The following TMEM181 variants were observed in gnomAD, a reference collection of about 807,000 sequenced individuals.
TMEM181 encodes the protein transmembrane protein 181, also known as G protein-coupled receptor 178.
TMEM181 carries 39 observed loss-of-function variants against 71.9 expected under a neutral mutation model. That is an observed-to-expected ratio of 0.54 (90% CI 0.42 to 0.71). The LOEUF (loss-of-function observed/expected upper bound fraction) is 0.71. Among genes scored for constraint, TMEM181 ranks in the 30% least tolerant of loss-of-function variants. The pLI, the probability that TMEM181 is intolerant of heterozygous loss-of-function variation, is 0.00. For missense variants in TMEM181, 595 were observed against 583.0 expected (o/e 1.02, Z -0.21); for synonymous variants, 245 against 228.8 (o/e 1.07, Z -0.64).
chr6:158,606,018 A>G (rs141513332), intron 7 of TMEM181, among the ~76,000 whole-genome samples: 103 of 152,324 alleles, frequency 6.8e-4, no homozygotes, highest in African/African-American at 2.2e-3. Context: ...GGGAGGTGAC[A>G]TTTAGGAAAT....
chr6:158,570,734 C>CT (rs35175171), intron 1 of TMEM181, among the ~76,000 whole-genome samples: 59,667 of 151,924 alleles, frequency 0.39, 12,016 homozygotes, highest in East Asian at 0.63. Flanking sequence ...TTCACATAAC[C>CT]TGGCGCATTT....
chr6:158,628,682 C>T (rs1248080920), intron 14 of TMEM181, among the ~76,000 whole-genome samples, 192 bp downstream of exon 14: 1 of 152,216 alleles, frequency 6.6e-6, no homozygotes, highest in Non-Finnish European at 1.5e-5. Flanking sequence ...CCTGTCCCTC[C>T]TCTGTACACA....
intron 1 of TMEM181, chr6:158,536,916 G>T: frequency 8.0e-7 from 1 of 1,243,552 alleles, no homozygotes; most frequent in Non-Finnish European, 1.0e-6. Context: ...CCGGGCCGCA[G>T]TCCCCTCCGG....
At position 158,608,694 on chromosome 6, in the gene TMEM181, ATTC is replaced by A. The variant is rs1363616133; in HGVS notation, c.844_846del (p.Phe282del). On this transcript the variant is annotated inframe_deletion, in exon 10 of 17. Transcript: ENST00000684151. ...AGTGTTTAACTTTCTATTTGCCTAA[ATTC>A]TTCATTGTTGGACTATTGTGGTTGG... 6.2e-7 allele frequency: 1 copy of A among 1,612,882 alleles called. No individual in the cohort carries two copies. The highest frequency in any genetic ancestry group is 1.7e-5 in the Admixed American group (1 of 59,738).
At chr6:158,599,200 G>T (rs553522735) in intron 6 of TMEM181, among the ~76,000 whole-genome samples, 4 of 152,170 alleles carry the variant, frequency 2.6e-5, no homozygotes, top group African/African-American at 4.8e-5. Flanking sequence ...CACTTATTTC[G>T]TGCTGCATGG....
chr6:158,595,573 C>T lies in TMEM181; in HGVS notation c.492+5791C>T, dbSNP rs975393939. ...ATGAGTGCATAAATTCTGCTATATT[C>T]ATATAATGGAATACTATATAGCGAG... is the stretch of plus-strand genomic sequence containing the variant. On this transcript the variant is annotated intron_variant, in intron 6 of 16. Coordinates refer to ENST00000684151, the MANE Select transcript of TMEM181 (RefSeq NM_001376852.1). Among the ~76,000 whole-genome samples the T allele has an allele frequency of 9.8e-5, 15 of 152,340 alleles. No individual in the cohort carries two copies. The East Asian group carries it at 2.5e-3, about 25-fold the overall frequency.
At chr6:158,621,096 C>T (rs977819288) in intron 10 of TMEM181, among the ~76,000 whole-genome samples, 6 of 152,174 alleles carry the variant, frequency 3.9e-5, no homozygotes, top group African/African-American at 7.2e-5. Flanking sequence ...ATAGCCCCCA[C>T]GTCTGCTTTT....
chr6:158,630,977 G>A (rs370302160), intron 15 of TMEM181, among the ~76,000 whole-genome samples: 3 of 152,250 alleles, frequency 2.0e-5, no homozygotes, highest in Admixed American at 6.5e-5. Context: ...AGGACTGGGC[G>A]GGGGCAGGCA....
intron 14 of TMEM181, among the ~76,000 whole-genome samples, chr6:158,629,414 A>G (rs568711149): frequency 1.3e-5 from 2 of 152,094 alleles, no homozygotes; most frequent in South Asian, 4.2e-4. Flanking sequence ...TGCCCTTTTC[A>G]TGTAACTTGA....
chr6:158,631,853 C>G lies in TMEM181; in HGVS notation c.1393C>G (p.Arg465Gly), dbSNP rs754628447. ...GCCGCTGCAGAACGGCCAGGCCATC[C>G]GGGCCAAGTACAAGGAGGAGTCAGA... The part of the protein sequence containing the change: ...EMPLQNGQAI[R>G]AKYKEESDSD The change falls in exon 17 of 17, where the codon CGG (arginine) becomes GGG (glycine). Residue 465 changes from arginine (R) to glycine (G), a missense_variant. Arg to Gly is a moderately radical substitution (Grantham distance 125). Coordinates refer to ENST00000684151, the MANE Select transcript of TMEM181 (RefSeq NM_001376852.1). 1.9e-6 allele frequency: 3 copies of G among 1,599,314 alleles called. No homozygotes were observed. Among genetic ancestry groups the G allele is most frequent in the Non-Finnish European group, 2.6e-6 (3 of 1,172,622 alleles).
Position 158,562,445 on chromosome 6 carries a change from T to TG in TMEM181, c.8+2213_8+2214insG, listed in dbSNP as rs1342117357. ...CTCTGCAAATTTAAATAAGGCTGTT[T>TG]TTGTGTGTGTGTGTGTGTGTGTGTG... On this transcript the variant is annotated intron_variant, in intron 1 of 16. Transcript: ENST00000684151. Among the ~76,000 whole-genome samples the TG allele has an allele frequency of 1.8e-3, 241 of 135,812 alleles. 1 individual carries two copies. The highest frequency in any genetic ancestry group is 5.4e-3 in the African/African-American group (177 of 32,620). 89.1% of individuals were successfully genotyped at this position (135,812 alleles called of 152,430 possible). A position where few individuals can be genotyped will look rare whatever the true frequency, so the allele number is the denominator to read the frequency against.
At chr6:158,575,357 C>CTT (rs5881279) in intron 2 of TMEM181, among the ~76,000 whole-genome samples, 20 of 149,538 alleles carry the variant, frequency 1.3e-4, no homozygotes, top group Middle Eastern at 3.4e-3. Context: ...CCAGATTCTT[C>CTT]TTTTTTTTTT....
rs1386175802 is a variant in TMEM181 at position 158,635,410 on chromosome 6, TAATA to T, written c.*3526_*3529del. ...CTGACACTACCTTTCTGGGAAATGT[TAATA>T]AATTTTTAATATTCACTTCTATGTG... On this transcript the variant is annotated 3_prime_UTR_variant, in exon 17 of 17. Coordinates refer to ENST00000684151, the MANE Select transcript of TMEM181 (RefSeq NM_001376852.1). 1 of 152,250 alleles carries T rather than the reference TAATA, an allele frequency of 6.6e-6. No individual in the cohort carries two copies. The highest frequency in any genetic ancestry group is 6.5e-5 in the Admixed American group (1 of 15,288). The allele number at this position is 152,250 out of a possible 1,614,324, so 9.4% of individuals were successfully genotyped here.
At chr6:158,627,051 TCTCACACC>T (rs1325016875) in intron 13 of TMEM181, among the ~76,000 whole-genome samples, 2 of 140,766 alleles carry the variant, frequency 1.4e-5, no homozygotes, top group East Asian at 2.2e-4. Context: ...ACACCCTCAT[TCTCACACC>T]CTCACACCTT....
intron 1 of TMEM181, among the ~76,000 whole-genome samples, chr6:158,548,388 T>G (rs1445422112): frequency 6.6e-6 from 1 of 152,134 alleles, no homozygotes; most frequent in African/African-American, 2.4e-5. Context: ...GTTGAGATAA[T>G]CTTGCCCGGT....
At chr6:158,601,760 A>C (rs1272808055) in intron 6 of TMEM181, among the ~76,000 whole-genome samples, 1 of 149,224 alleles carries the variant, frequency 6.7e-6, no homozygotes, top group East Asian at 1.9e-4. Flanking sequence ...CTGTCTCAGA[A>C]AAAAAAAAAA....
chr6:158,542,867 G>GTTTTT, intron 1 of TMEM181, among the ~76,000 whole-genome samples: 1 of 130,728 alleles, frequency 7.6e-6, no homozygotes, highest in African/African-American at 2.9e-5. Flanking sequence ...CCTCCAGAGT[G>GTTTTT]GTTTTTTTTT....
intron 1 of TMEM181, among the ~76,000 whole-genome samples, chr6:158,567,503 C>T (rs948905706): frequency 3.9e-5 from 6 of 152,118 alleles, no homozygotes; most frequent in Non-Finnish European, 7.4e-5. Flanking sequence ...TGTGGGCAGC[C>T]GTGAGAGATG....
chr6:158,567,334 A>G (rs1336471623), intron 1 of TMEM181, among the ~76,000 whole-genome samples: 2 of 152,214 alleles, frequency 1.3e-5, no homozygotes, highest in African/African-American at 4.8e-5. Context: ...CTTGCCTAGC[A>G]TCTCTCCACC....
Sources: gnomAD v4.1 joint callset for allele counts (sites outside exome capture counted in the v4.1 genomes callset) on GRCh38, gnomAD v4.1.1 for gene constraint, MANE v1.5 for transcripts, NCBI Gene and HGNC (gene_info 2026-07-23, HGNC 2026-07-21) for gene names.